ADAM12: variants seen among roughly 807,000 people sequenced by gnomAD.
ADAM12 encodes the protein disintegrin and metalloproteinase domain-containing protein 12.
ADAM12 carries 70 observed loss-of-function variants against 106.4 expected under a neutral mutation model. The observed-to-expected ratio is 0.66, with a 90% CI of 0.54 to 0.80. The LOEUF is 0.80. ADAM12 is among the 30% of genes least tolerant of loss of function. The probability of loss-of-function intolerance (pLI) is 0.00; values close to 1 mark genes in which losing one functional copy is unlikely to be tolerated. For synonymous variants in ADAM12, 420 were observed against 433.5 expected (o/e 0.97, Z 0.39); for missense variants, 1,010 against 1,171.9 (o/e 0.86, Z 2.02).
intron 2 of ADAM12, among the ~76,000 whole-genome samples, chr10:126,298,458 C>G (rs767623304): frequency 6.6e-6 from 1 of 151,982 alleles, no homozygotes; most frequent in African/African-American, 2.4e-5. Context: ...AGTGAAAAAT[C>G]GGTCTGAAGA....
intron 3 of ADAM12, among the ~76,000 whole-genome samples, chr10:126,227,094 C>A (rs900437270): frequency 1.3e-5 from 2 of 152,114 alleles, no homozygotes; most frequent in African/African-American, 4.8e-5. Context: ...ACCACCATCA[C>A]TATCATTATC....
intron 7 of ADAM12, 89 bp from the exon 8 acceptor site, chr10:126,108,753 AT>A: frequency 7.9e-7 from 1 of 1,267,196 alleles, no homozygotes; most frequent in Non-Finnish European, 1.1e-6. Flanking sequence ...AAGTCTTGGG[AT>A]TTTACAAACC....
chr10:126,104,969 G>A (rs191215395), intron 8 of ADAM12, among the ~76,000 whole-genome samples: 80 of 152,286 alleles, frequency 5.3e-4, no homozygotes, highest in Admixed American at 4.1e-3. Flanking sequence ...ACAGAGCTGG[G>A]AGTCATCTGT....
chr10:126,142,436 A>G (rs1265440541), intron 4 of ADAM12, among the ~76,000 whole-genome samples: 1 of 152,276 alleles, frequency 6.6e-6, no homozygotes, highest in African/African-American at 2.4e-5. Context: ...CAGCAGGAGC[A>G]TGTCCTTAAG....
At chr10:126,343,513 G>A (rs1855016324) in intron 1 of ADAM12, among the ~76,000 whole-genome samples, 1 of 152,212 alleles carries the variant, frequency 6.6e-6, no homozygotes, top group Non-Finnish European at 1.5e-5. Context: ...CTTTATAGCA[G>A]CATGATTTAT....
At chr10:126,138,438 G>A (rs533393728) in intron 4 of ADAM12, among the ~76,000 whole-genome samples, 111 of 152,154 alleles carry the variant, frequency 7.3e-4, no homozygotes, top group African/African-American at 2.5e-3. Context: ...GCAGTGGCAC[G>A]ATCTCGGCTC....
intron 14 of ADAM12, among the ~76,000 whole-genome samples, chr10:126,050,790 T>C (rs887938717): frequency 6.6e-6 from 1 of 152,252 alleles, no homozygotes; most frequent in Non-Finnish European, 1.5e-5. Context: ...CACACCACCT[T>C]GCCATCATTT....
intron 21 of ADAM12, among the ~76,000 whole-genome samples, chr10:126,035,521 C>T (rs1417408304): frequency 6.6e-6 from 1 of 152,062 alleles, no homozygotes; most frequent in Non-Finnish European, 1.5e-5. Context: ...CAATTATAAA[C>T]AAAAAATATT....
At chr10:126,293,843 C>T (rs1329328725) in intron 2 of ADAM12, among the ~76,000 whole-genome samples, 2 of 152,196 alleles carry the variant, frequency 1.3e-5, no homozygotes, top group African/African-American at 2.4e-5. Context: ...AAGGCCCCTT[C>T]AGATGCCCTG....
chr10:126,121,279 A>G (rs1404366805), intron 5 of ADAM12, among the ~76,000 whole-genome samples: 2 of 113,044 alleles, frequency 1.8e-5, no homozygotes, highest in Non-Finnish European at 3.3e-5. Context: ...AATATATAAT[A>G]TACTATATTA....
chr10:126,028,684 C>T (rs1480868430), intron 21 of ADAM12, among the ~76,000 whole-genome samples: 3 of 152,220 alleles, frequency 2.0e-5, no homozygotes, highest in South Asian at 2.1e-4. Context: ...ACATATAAAA[C>T]CCAAAACTAT....
intron 12 of ADAM12, among the ~76,000 whole-genome samples, chr10:126,071,114 T>C (rs1369682368): frequency 6.6e-6 from 1 of 152,146 alleles, no homozygotes; most frequent in East Asian, 1.9e-4. Context: ...TAGCACACCT[T>C]ATGAAGAAAA....
At chr10:126,346,378 T>G (rs1275918406) in intron 1 of ADAM12, among the ~76,000 whole-genome samples, 1 of 152,242 alleles carries the variant, frequency 6.6e-6, no homozygotes, top group African/African-American at 2.4e-5. Flanking sequence ...TGCACTGTGG[T>G]CTGAGAGATA....
At chr10:126,328,871 G>A (rs1854402416) in intron 2 of ADAM12, among the ~76,000 whole-genome samples, 1 of 152,148 alleles carries the variant, frequency 6.6e-6, no homozygotes, top group African/African-American at 2.4e-5. Context: ...TGACCCACAA[G>A]CACCAGGTGG....
At chr10:126,111,865 C>T (rs2133604369) in intron 6 of ADAM12, among the ~76,000 whole-genome samples, 1 of 152,238 alleles carries the variant, frequency 6.6e-6, no homozygotes, top group South Asian at 2.1e-4. Context: ...GAGAGGTTTA[C>T]ATTATCCCCA....
At chr10:126,172,988 T>A (rs903200137) in intron 3 of ADAM12, among the ~76,000 whole-genome samples, 1 of 152,200 alleles carries the variant, frequency 6.6e-6, no homozygotes, top group Non-Finnish European at 1.5e-5. Context: ...ACCATCATTC[T>A]TAGCAAACTA....
intron 14 of ADAM12, among the ~76,000 whole-genome samples, chr10:126,051,541 CCATCCATCCATCCAT>C (rs1954492721): frequency 2.6e-5 from 2 of 77,536 alleles, no homozygotes; most frequent in Admixed American, 1.2e-4. Flanking sequence ...AGCCACCCAT[CCATCCATCCATCCAT>C]CCATCCATCC....
At chr10:126,262,347 A>C (rs1023140331) in intron 3 of ADAM12, among the ~76,000 whole-genome samples, 1 of 152,174 alleles carries the variant, frequency 6.6e-6, no homozygotes, top group Non-Finnish European at 1.5e-5. Flanking sequence ...AAAGATGCCG[A>C]TTCATCAAAA....
intron 2 of ADAM12, among the ~76,000 whole-genome samples, chr10:126,318,207 A>G (rs892902774): frequency 6.6e-6 from 1 of 152,134 alleles, no homozygotes; most frequent in African/African-American, 2.4e-5. Flanking sequence ...GAACACACAC[A>G]CACACTCAAC....
Sources: gnomAD v4.1 joint callset for allele counts (sites outside exome capture counted in the v4.1 genomes callset) on GRCh38, gnomAD v4.1.1 for gene constraint, MANE v1.5 for transcripts, NCBI Gene and HGNC (gene_info 2026-07-23, HGNC 2026-07-21) for gene names.